Variants in RFX2 observed in about 807,000 individuals in gnomAD.
The protein encoded by RFX2 is DNA-binding protein RFX2.
In RFX2, 20 loss-of-function variants were observed where a neutral mutation model predicts 87.8. The observed-to-expected ratio is 0.23, with a 90% CI of 0.16 to 0.33. RFX2 has a LOEUF of 0.33. Among genes scored for constraint, RFX2 ranks in the 10% least tolerant of loss-of-function variants. RFX2 has a pLI of 1.00. For synonymous variants in RFX2, 397 were observed against 431.3 expected (o/e 0.92, Z 0.98); for missense variants, 767 against 1,012.3 (o/e 0.76, Z 3.29).
At position 6,011,292 on chromosome 19, in the gene RFX2, A is replaced by C. The variant is rs1191637418; in HGVS notation, c.900-1041T>G. 6.6e-6 allele frequency among the ~76,000 whole-genome samples: 1 copy of C among 152,168 alleles called. No homozygotes were observed. The highest frequency in any genetic ancestry group is 1.5e-5 in the Non-Finnish European group (1 of 68,016). On this transcript the variant is annotated intron_variant, in intron 8 of 17. Transcript: ENST00000303657. This position sits in a 1 kb window ranked among gnomAD's most constrained non-coding sequence, Gnocchi z 4.8. Reference sequence around the variant, plus strand: ...CAGGCAGTGCTGAGAAACACTCAGCACTTTCCAGGCGCTGGACTCCTCAGG... The same window carrying C: ...CAGGCAGTGCTGAGAAACACTCAGCCCTTTCCAGGCGCTGGACTCCTCAGG...
At chr19:6,025,351 A>G (rs911127462) in intron 6 of RFX2, among the ~76,000 whole-genome samples, 5 of 152,164 alleles carry the variant, frequency 3.3e-5, no homozygotes, top group African/African-American at 9.7e-5. Context: ...CAAGGGGAGG[A>G]GAAAAATCCT....
rs1424694600 is a variant in RFX2 at position 6,010,546 on chromosome 19, A to G, written c.900-295T>C. Among the ~76,000 whole-genome samples the G allele has an allele frequency of 6.6e-6, 1 of 152,016 alleles. No individual in the cohort carries two copies. Among genetic ancestry groups the G allele is most frequent in the East Asian group, 1.9e-4 (1 of 5,182 alleles). ...ACGCTCACTCCCCATCCCTGTCCCC[A>G]GCCCCTGGCACCCCTGATCTGACTT... On this transcript the variant is annotated intron_variant, in intron 8 of 17. Transcript: ENST00000303657. This position sits in a 1 kb window ranked among gnomAD's most constrained non-coding sequence, Gnocchi z 5.0.
In RFX2 at chr19:6,001,668, A is replaced by G; in HGVS notation, c.1859+147T>C. 2 of 632,144 alleles carry G rather than the reference A, an allele frequency of 3.2e-6. No individual in the cohort carries two copies. The highest frequency in any genetic ancestry group is 5.2e-6 in the Non-Finnish European group (2 of 383,238). 39.2% of individuals were successfully genotyped at this position (632,144 alleles called of 1,614,324 possible). A position where few individuals can be genotyped will look rare whatever the true frequency, so the allele number is the denominator to read the frequency against. ...TCATGAGTGAGGCCCCCAGCCAGGTAGTTGTTTTTTGCGGGTTCAGACACT... is the reference window on the plus strand; with the variant it reads ...TCATGAGTGAGGCCCCCAGCCAGGTGGTTGTTTTTTGCGGGTTCAGACACT... On this transcript the variant is annotated intron_variant, in intron 15 of 17. Transcript: ENST00000303657. This position sits in a 1 kb window ranked among gnomAD's most constrained non-coding sequence, Gnocchi z 5.6.
rs1298281680 is a variant in RFX2, at chr19:6,002,911, G to A, written c.1501-41C>T. On this transcript the variant is annotated intron_variant, in intron 13 of 17. Transcript: ENST00000303657. This position sits in a 1 kb window ranked among gnomAD's most constrained non-coding sequence, Gnocchi z 6.7. ...CGTGGTGAGCAGGGGTTCGCAGGGA[G>A]AGCCTGTTCCGCTGCGCTCCTTGCA... 6.4e-7 allele frequency: 1 copy of A among 1,573,586 alleles called. No individual in the cohort carries two copies. Among genetic ancestry groups the A allele is most frequent in the Non-Finnish European group, 8.6e-7 (1 of 1,165,224 alleles).
rs144879552 is a variant in RFX2 at position 6,010,199 on chromosome 19, C to T, written c.952G>A (p.Gly318Ser). The change falls in exon 9 of 18, where the codon GGC (glycine) becomes AGC (serine). Residue 318 changes from glycine to serine, a missense_variant. Physicochemically the swap from Gly to Ser is moderately conservative, Grantham distance 56 (BLOSUM62 0). This residue lies in a region of RFX2 where 621 missense variants were observed against 873.0 expected (regional missense o/e 0.71). Transcript: ENST00000303657. The surrounding 1 kb of genome is among the most constrained non-coding windows in gnomAD (Gnocchi z 5.0). ...GTCTGTTCCGGAGTGCTGTGCAGGC[C>T]GCTGTGGGAGCCGCTGTCCCCGAGG... ...DSLGDSGSHS[G>S]LHSTPEQTMA... is the part of the protein sequence containing the mutation. 9.2e-5 allele frequency: 142 copies of T among 1,548,516 alleles called. No individual in the cohort carries two copies. The African/African-American group carries it at 1.6e-3, about 17-fold the overall frequency.
At chr19:6,082,438 T>TCTTTTTTTC (rs1568189226) in intron 1 of RFX2, among the ~76,000 whole-genome samples, 2 of 152,116 alleles carry the variant, frequency 1.3e-5, no homozygotes. Flanking sequence ...TGGAAAGTTT[T>TCTTTTTTTC]CTTTTTTTCT....
At chr19:6,062,689 A>G (rs1043899655) in intron 1 of RFX2, among the ~76,000 whole-genome samples, 1 of 152,216 alleles carries the variant, frequency 6.6e-6, no homozygotes, top group Non-Finnish European at 1.5e-5. Flanking sequence ...ATGAACTGAT[A>G]CAGTCCCCGT....
Position 6,061,976 on chromosome 19 carries a change from T to TACAA in RFX2, c.-8-14476_-8-14473dup, listed in dbSNP as rs567706966. Reference sequence around the variant, plus strand: ...GGGCAACATAGCGAGGCCCCATCTCTACAAACAAACAAACAAACAACAACA... The same window carrying TACAA: ...GGGCAACATAGCGAGGCCCCATCTCTACAAACAAACAAACAAACAAACAACAACA... On this transcript the variant is annotated intron_variant, in intron 1 of 17. Transcript: ENST00000303657. The surrounding 1 kb of genome is among the most constrained non-coding windows in gnomAD (Gnocchi z 5.2). 2.6e-5 allele frequency among the ~76,000 whole-genome samples: 4 copies of TACAA among 152,082 alleles called. No homozygotes were observed. Among genetic ancestry groups the TACAA allele is most frequent in the South Asian group, 4.1e-4 (2 of 4,824 alleles).
In RFX2 at chr19:6,022,117, CGGGAGGCGCAGGGGTTGT is replaced by C. The variant is rs1163748138; in HGVS notation, c.597+4028_597+4045del. ...CCCCTGCCTCAGATGGGACCGTGGG[CGGGAGGCGCAGGGGTTGT>C]GGGAGGCGCAGGGGTTGTTGAGGGT... On this transcript the variant is annotated intron_variant, in intron 6 of 17. Transcript: ENST00000303657. The surrounding 1 kb of genome is among the most constrained non-coding windows in gnomAD (Gnocchi z 6.2). 1.3e-5 allele frequency among the ~76,000 whole-genome samples: 2 copies of C among 152,004 alleles called. No homozygotes were observed. The highest frequency in any genetic ancestry group is 2.4e-5 in the African/African-American group (1 of 41,448).
In RFX2 at chr19:6,008,126, C is replaced by A; in HGVS notation, c.1114G>T (p.Val372Leu). The stretch of plus-strand genomic sequence containing the variant: ...GTCACCTCGCAGTGCCGTCTGTACA[C>A]CAGCTGCAGGGCCTTGACGTCGTGC... ...TLHDVKALQL[V>L]YRRHCEATVD... The change falls in exon 10 of 18, where the codon GTG (valine) becomes TTG (leucine). Residue 372 changes from valine (V) to leucine (L), a missense_variant. By Grantham distance (32) the Val-to-Leu change is conservative (BLOSUM62 1). Transcript: ENST00000303657. The A allele has an allele frequency of 6.4e-7, 1 of 1,552,138 alleles. No homozygotes were observed. The highest frequency in any genetic ancestry group is 8.7e-7 in the Non-Finnish European group (1 of 1,147,274).
chr19:6,044,394 G>C lies in RFX2; in HGVS notation c.91-112C>G, dbSNP rs1415168531. Reference sequence around the variant, plus strand: ...TTCATGTGCTTTTTATTAAAACATAGGCAGGACTGATCAGAGGCGACGGCG... The same window carrying C: ...TTCATGTGCTTTTTATTAAAACATACGCAGGACTGATCAGAGGCGACGGCG... On this transcript the variant is annotated intron_variant, in intron 2 of 17. Coordinates refer to ENST00000303657, the MANE Select transcript of RFX2 (RefSeq NM_000635.4). The surrounding 1 kb of genome is among the most constrained non-coding windows in gnomAD (Gnocchi z 5.3). 2 of 698,956 alleles carry C rather than the reference G, an allele frequency of 2.9e-6. No homozygotes were observed. The highest frequency in any genetic ancestry group is 3.7e-5 in the African/African-American group (2 of 53,434). 43.3% of individuals were successfully genotyped at this position (698,956 alleles called of 1,614,324 possible).
At chr19:6,058,535 C>G (rs114734355) in intron 1 of RFX2, among the ~76,000 whole-genome samples, 5 of 151,694 alleles carry the variant, frequency 3.3e-5, no homozygotes, top group Non-Finnish European at 7.4e-5. Flanking sequence ...CAATGCACAC[C>G]AAGGGCAACC....
intron 1 of RFX2, among the ~76,000 whole-genome samples, chr19:6,092,203 T>A (rs537955644): frequency 4.7e-4 from 72 of 152,350 alleles, no homozygotes; most frequent in African/African-American, 1.4e-3. Context: ...AGAAAGAATT[T>A]GTACCATAAG....
chr19:5,996,754 G>A (rs1424978746), intron 16 of RFX2, among the ~76,000 whole-genome samples: 1 of 152,258 alleles, frequency 6.6e-6, no homozygotes, highest in Non-Finnish European at 1.5e-5. Flanking sequence ...CCTCCCCTGT[G>A]TGGCGGGACG....
At chr19:6,018,458 G>A (rs1203273559) in intron 6 of RFX2, among the ~76,000 whole-genome samples, 2 of 152,360 alleles carry the variant, frequency 1.3e-5, no homozygotes, top group East Asian at 3.9e-4. Context: ...GTTCTGGAAC[G>A]TTTCACAGGA....
rs1023510575 is a variant in RFX2, at chr19:6,064,912, G to A, written c.-8-17408C>T. Among the ~76,000 whole-genome samples, 10 of 152,156 alleles carry A rather than the reference G, an allele frequency of 6.6e-5. No homozygotes were observed. The highest frequency in any genetic ancestry group is 1.3e-4 in the Non-Finnish European group (9 of 68,032). Reference sequence around the variant, plus strand: ...CCATCTAAAACCACAGCATGGAGAGGCCCCTTTAAAAACCACCTAACCCAG... The same window carrying A: ...CCATCTAAAACCACAGCATGGAGAGACCCCTTTAAAAACCACCTAACCCAG... On this transcript the variant is annotated intron_variant, in intron 1 of 17. Coordinates refer to ENST00000303657, the MANE Select transcript of RFX2 (RefSeq NM_000635.4). This position sits in a 1 kb window ranked among gnomAD's most constrained non-coding sequence, Gnocchi z 4.8.
At chr19:6,092,948 T>C (rs1209796696) in intron 1 of RFX2, among the ~76,000 whole-genome samples, 53 of 150,714 alleles carry the variant, frequency 3.5e-4, no homozygotes, top group Non-Finnish European at 1.0e-4. Flanking sequence ...CGGACACGCA[T>C]GTGGTAAAAA....
At chr19:6,067,416 G>A (rs766446066) in intron 1 of RFX2, among the ~76,000 whole-genome samples, 3 of 152,152 alleles carry the variant, frequency 2.0e-5, no homozygotes, top group Non-Finnish European at 4.4e-5. Flanking sequence ...ACATCACTGC[G>A]CCGGCTCTTC....
chr19:5,997,075 G>T lies in RFX2; in HGVS notation c.1998C>A (p.Ile666=), dbSNP rs767349009. 1.2e-5 allele frequency: 20 copies of T among 1,611,768 alleles called. No homozygotes were observed. The highest frequency in any genetic ancestry group is 1.7e-5 in the Non-Finnish European group (20 of 1,179,748). ...RVAEATGETP[I]AVMGEFNDLA... is the part of the protein sequence containing the mutation. ...GGGTCCTCACCTCTCCCATCACAGC[G>T]ATCGGCGTCTCTCCGGTGGCCTCCG... is the stretch of plus-strand genomic sequence containing the variant. The change falls in exon 16 of 18, where the codon ATC becomes ATA. Residue 666 remains isoleucine, a synonymous_variant. Coordinates refer to ENST00000303657, the MANE Select transcript of RFX2 (RefSeq NM_000635.4). The surrounding 1 kb of genome is among the most constrained non-coding windows in gnomAD (Gnocchi z 4.2).
Sources: gnomAD v4.1 joint callset for allele counts (sites outside exome capture counted in the v4.1 genomes callset) on GRCh38, gnomAD v4.1.1 for gene constraint, gnomAD v4.1.1 regional missense constraint, Gnocchi (gnomAD v3.1) non-coding constraint, MANE v1.5 for transcripts, NCBI Gene and HGNC (gene_info 2026-07-23, HGNC 2026-07-21) for gene names.